ADK: variants seen among roughly 807,000 people sequenced by gnomAD.
ADK encodes adenosine kinase, also known as N6,N6-dimethyladenosine kinase.
Under a neutral mutation model 44.7 loss-of-function variants are expected in ADK, and 24 were observed. The observed-to-expected ratio is 0.54, with a 90% CI of 0.39 to 0.76. The LOEUF (loss-of-function observed/expected upper bound fraction) is 0.76. Among genes scored for constraint, ADK ranks in the 30% least tolerant of loss-of-function variants. The probability of loss-of-function intolerance (pLI) is 0.00; values close to 1 mark genes in which losing one functional copy is unlikely to be tolerated. For synonymous variants in ADK, 128 were observed against 142.6 expected (o/e 0.90, Z 0.73); for missense variants, 321 against 425.1 (o/e 0.76, Z 2.15).
intron 4 of ADK, among the ~76,000 whole-genome samples, chr10:74,373,635 T>C (rs1842736360): frequency 6.6e-6 from 1 of 152,174 alleles, no homozygotes. Flanking sequence ...TCACTCCTGC[T>C]AGGATGATGG....
chr10:74,162,202 G>A (rs1475326405), intron 1 of ADK, among the ~76,000 whole-genome samples: 1 of 151,870 alleles, frequency 6.6e-6, no homozygotes, highest in Non-Finnish European at 1.5e-5. Context: ...TGTATTTTTA[G>A]TAGAGACAGG....
chr10:74,450,182 C>T (rs970303688), intron 6 of ADK, among the ~76,000 whole-genome samples: 1 of 152,110 alleles, frequency 6.6e-6, no homozygotes, highest in African/African-American at 2.4e-5. Context: ...GACATGGTGG[C>T]ATGTGCCTGT....
At chr10:74,427,647 G>T (rs1414504928) in intron 6 of ADK, among the ~76,000 whole-genome samples, 1 of 152,092 alleles carries the variant, frequency 6.6e-6, no homozygotes, top group South Asian at 2.1e-4. Flanking sequence ...TGGATTGGAG[G>T]TGTCTGTGTA....
intron 6 of ADK, among the ~76,000 whole-genome samples, chr10:74,423,092 C>G (rs76695829): frequency 1.3e-5 from 2 of 152,080 alleles, no homozygotes; most frequent in African/African-American, 2.4e-5. Context: ...CCAAACACGC[C>G]GTCCTCATAT....
At chr10:74,479,614 T>C (rs1440501504) in intron 6 of ADK, among the ~76,000 whole-genome samples, 1 of 152,044 alleles carries the variant, frequency 6.6e-6, no homozygotes, top group African/African-American at 2.4e-5. Flanking sequence ...TGTTTTTCTG[T>C]GTGATTTATT....
At chr10:74,314,166 C>A (rs1592032840) in intron 3 of ADK, among the ~76,000 whole-genome samples, 1 of 152,004 alleles carries the variant, frequency 6.6e-6, no homozygotes, top group East Asian at 1.9e-4. Flanking sequence ...TACTTCATCT[C>A]TTTTGAAGTG....
At chr10:74,442,795 T>C in intron 6 of ADK, among the ~76,000 whole-genome samples, 1 of 152,158 alleles carries the variant, frequency 6.6e-6, no homozygotes, top group Non-Finnish European at 1.5e-5. Flanking sequence ...ATAAAGAAAG[T>C]ATATGTATAT....
At chr10:74,236,233 C>T (rs944672986) in intron 3 of ADK, among the ~76,000 whole-genome samples, 6 of 152,156 alleles carry the variant, frequency 3.9e-5, no homozygotes, top group East Asian at 1.9e-4. Context: ...GAAAAATGAG[C>T]GAACTGATTT....
At chr10:74,649,040 C>T (rs960515963) in intron 9 of ADK, among the ~76,000 whole-genome samples, 2 of 151,938 alleles carry the variant, frequency 1.3e-5, no homozygotes, top group East Asian at 2.0e-4. Context: ...ATTAGCTGGG[C>T]GTGGTGGCAC....
intron 9 of ADK, among the ~76,000 whole-genome samples, chr10:74,632,744 T>C (rs540882743): frequency 1.4e-4 from 21 of 152,158 alleles, no homozygotes; most frequent in Non-Finnish European, 2.6e-4. Flanking sequence ...CAGATGGACA[T>C]GAATTCAGGG....
chr10:74,333,062 A>G (rs947099150), intron 4 of ADK, among the ~76,000 whole-genome samples: 20 of 152,328 alleles, frequency 1.3e-4, no homozygotes, highest in African/African-American at 4.3e-4. Context: ...AAAAAACTAA[A>G]TATCTTTTCA....
At chr10:74,414,613 G>C (rs1313279837) in intron 6 of ADK, among the ~76,000 whole-genome samples, 1 of 152,088 alleles carries the variant, frequency 6.6e-6, no homozygotes. Flanking sequence ...GCGCATGCCT[G>C]TAATCCCAGC....
At chr10:74,224,449 G>A (rs1844448407) in intron 2 of ADK, 89 bp from the exon 3 acceptor site, 1 of 965,910 alleles carries the variant, frequency 1.0e-6, no homozygotes, top group African/African-American at 1.6e-5. Flanking sequence ...ACCTATAACA[G>A]TGTTGGAGTG....
At chr10:74,505,051 G>A (rs974262069) in intron 6 of ADK, among the ~76,000 whole-genome samples, 1 of 152,046 alleles carries the variant, frequency 6.6e-6, no homozygotes, top group East Asian at 1.9e-4. Flanking sequence ...AGAGGAGGGT[G>A]GGGAAGAGCT....
At chr10:74,443,966 A>T (rs1032589380) in intron 6 of ADK, among the ~76,000 whole-genome samples, 4 of 152,090 alleles carry the variant, frequency 2.6e-5, no homozygotes, top group African/African-American at 7.2e-5. Flanking sequence ...TATTGGATAA[A>T]TACATTATAG....
intron 4 of ADK, among the ~76,000 whole-genome samples, chr10:74,323,011 C>T (rs920192973): frequency 2.0e-5 from 3 of 152,190 alleles, no homozygotes; most frequent in African/African-American, 7.2e-5. Flanking sequence ...TGACATATCT[C>T]TACTCTTGTG....
At chr10:74,667,274 G>A (rs1854994130) in intron 9 of ADK, among the ~76,000 whole-genome samples, 1 of 152,016 alleles carries the variant, frequency 6.6e-6, no homozygotes, top group Admixed American at 6.6e-5. Context: ...TTAGATAATA[G>A]AAAATAATGA....
intron 4 of ADK, among the ~76,000 whole-genome samples, chr10:74,347,407 T>C (rs1029921387): frequency 1.3e-5 from 2 of 152,074 alleles, no homozygotes; most frequent in African/African-American, 4.8e-5. Context: ...GATTTTCCTA[T>C]GGTTTTTGCA....
chr10:74,627,496 T>G (rs1464767632), intron 9 of ADK, among the ~76,000 whole-genome samples: 1 of 151,886 alleles, frequency 6.6e-6, no homozygotes, highest in African/African-American at 2.4e-5. Context: ...AAAGCTTTCT[T>G]TCGAAATGGC....
Sources: gnomAD v4.1 joint callset for allele counts (sites outside exome capture counted in the v4.1 genomes callset) on GRCh38, gnomAD v4.1.1 for gene constraint, MANE v1.5 for transcripts, NCBI Gene and HGNC (gene_info 2026-07-23, HGNC 2026-07-21) for gene names.